ZFP90: variants seen among roughly 807,000 people sequenced by gnomAD.
The protein encoded by ZFP90 is ZFP90 zinc finger protein.
In ZFP90, 38 loss-of-function variants were observed where a neutral mutation model predicts 60.8. That is an observed-to-expected ratio of 0.62 (90% CI 0.48 to 0.82). The LOEUF (loss-of-function observed/expected upper bound fraction) is 0.82. Ranked by LOEUF, ZFP90 falls within the 40% of genes least tolerant of loss-of-function variation. The probability of loss-of-function intolerance (pLI) is 0.00; values close to 1 mark genes in which losing one functional copy is unlikely to be tolerated. For synonymous variants in ZFP90, 287 were observed against 264.8 expected (o/e 1.08, Z -0.82); for missense variants, 711 against 759.1 (o/e 0.94, Z 0.74).
At position 68,567,125 on chromosome 16, in the gene ZFP90, A is replaced by G. The variant is rs2091541065; in HGVS notation, c.*2427A>G. 1.0e-6 allele frequency: 1 copy of G among 985,564 alleles called. No individual in the cohort carries two copies. Among genetic ancestry groups the G allele is most frequent in the South Asian group, 4.7e-5 (1 of 21,282 alleles). The allele number at this position is 985,564 out of a possible 1,614,324, so 61.1% of individuals were successfully genotyped here. A position where few individuals can be genotyped will look rare whatever the true frequency, so the allele number is the denominator to read the frequency against. Reference sequence around the variant, plus strand: ...TATTCTTTCAATAAATAGCCTTCTGAGTTGAATGGGAGTCAGTTTGTCGTT... The same window carrying G: ...TATTCTTTCAATAAATAGCCTTCTGGGTTGAATGGGAGTCAGTTTGTCGTT... On this transcript the variant is annotated 3_prime_UTR_variant, in exon 5 of 5. Coordinates refer to ENST00000563169, the MANE Select transcript of ZFP90 (RefSeq NM_001305203.2).
chr16:68,554,089 G>T (rs2091302836), intron 2 of ZFP90, among the ~76,000 whole-genome samples: 1 of 151,492 alleles, frequency 6.6e-6, no homozygotes, highest in Non-Finnish European at 1.5e-5. Flanking sequence ...GGAAAAGTGG[G>T]AGACAGTGAA....
intron 3 of ZFP90, 76 bp from the exon 4 acceptor site, chr16:68,558,397 G>C: frequency 7.3e-7 from 1 of 1,365,100 alleles, no homozygotes; most frequent in Non-Finnish European, 1.0e-6. Flanking sequence ...TCAAGGACTA[G>C]TACTGACTTG....
intron 2 of ZFP90, among the ~76,000 whole-genome samples, chr16:68,540,910 C>CTT (rs1273883690): frequency 3.9e-5 from 4 of 101,652 alleles, no homozygotes; most frequent in African/African-American, 1.1e-4. Context: ...ATACATCATG[C>CTT]CTTTTTTTTT....
At position 68,572,179 on chromosome 16, in the gene ZFP90, C is replaced by CTT. The variant is rs11434898; in HGVS notation, c.224-3602_224-3601dup. ...TGCCACCATGACCAGCTGACAAACA[C>CTT]TTTTTTTTTTTCCATTTGGAAAGGT... On this transcript the variant is annotated intron_variant, in intron 2 of 2. Coordinates refer to the ZFP90 transcript ENST00000573113. 5.7e-3 allele frequency among the ~76,000 whole-genome samples: 854 copies of CTT among 149,572 alleles called. 2 individuals carry two copies. The highest frequency in any genetic ancestry group is 0.018 in the African/African-American group (735 of 40,824).
chr16:68,563,251 T>C lies in ZFP90; in HGVS notation c.464T>C (p.Phe155Ser), dbSNP rs375019303. 289 of 1,613,404 alleles carry C rather than the reference T, an allele frequency of 1.8e-4. 5 individuals are homozygous for C. The South Asian group carries it at 2.9e-3, about 16-fold the overall frequency. ...QKKIITPQENFEQNKFGENSR... is the reference protein window; with the variant it reads ...QKKIITPQENSEQNKFGENSR... ...AAAATAATTACACCACAAGAAAATT[T>C]TGAGCAAAATAAATTTGGTGAAAAT... Residue 155 changes from phenylalanine to serine, a missense_variant, in exon 5 of 5, where the codon TTT becomes TCT. Physicochemically the swap from Phe to Ser is radical, Grantham distance 155. Coordinates refer to ENST00000563169, the MANE Select transcript of ZFP90 (RefSeq NM_001305203.2).
downstream of ZFP90, among the ~76,000 whole-genome samples, chr16:68,567,307 A>C (rs1207429144): frequency 1.3e-5 from 2 of 152,324 alleles, no homozygotes; most frequent in East Asian, 1.9e-4. Context: ...TCTGTCATTC[A>C]ATCCTTATAA....
At chr16:68,568,774 GT>G (rs577025445), downstream of ZFP90, among the ~76,000 whole-genome samples, 47 of 152,262 alleles carry the variant, frequency 3.1e-4, no homozygotes, top group Non-Finnish European at 5.6e-4. Flanking sequence ...CACCTCCCAG[GT>G]TCAAGTGATT....
At chr16:68,544,628 G>C (rs2091112144) in intron 2 of ZFP90, among the ~76,000 whole-genome samples, 1 of 152,010 alleles carries the variant, frequency 6.6e-6, no homozygotes, top group African/African-American at 2.4e-5. Flanking sequence ...ACCTGGCTTA[G>C]GTCACCCAAA....
chr16:68,562,766 T>A, intron 4 of ZFP90: 1 of 605,994 alleles, frequency 1.7e-6, no homozygotes, highest in Non-Finnish European at 2.8e-6. Context: ...TTTGTATCTG[T>A]GCCTAACACA....
chr16:68,541,274 T>C (rs1022348608), intron 2 of ZFP90, among the ~76,000 whole-genome samples: 3 of 151,972 alleles, frequency 2.0e-5, no homozygotes, highest in African/African-American at 4.8e-5. Flanking sequence ...CTGACGTCAA[T>C]TGATCCGCCC....
chr16:68,555,029 C>T (rs2091321597), intron 2 of ZFP90: 1 of 152,348 alleles, frequency 6.6e-6, no homozygotes. Flanking sequence ...TCTCAAGCTT[C>T]CCAGTCCCTG....
chr16:68,539,715 C>T (rs1387871972), intron 1 of ZFP90, 43 bp from the exon 2 acceptor site: 3 of 1,429,618 alleles, frequency 2.1e-6, no homozygotes, highest in Non-Finnish European at 2.8e-6. Flanking sequence ...GGGGTGGGGT[C>T]GGTGTTGCAG....
intron 2 of ZFP90, among the ~76,000 whole-genome samples, chr16:68,549,530 T>A (rs1205991262): frequency 6.6e-6 from 1 of 151,596 alleles, no homozygotes; most frequent in Non-Finnish European, 1.5e-5. Flanking sequence ...ACAAAAAAAA[T>A]TAGCTGGGCG....
intron 2 of ZFP90, among the ~76,000 whole-genome samples, chr16:68,540,664 G>T (rs1193303495): frequency 6.6e-6 from 1 of 151,962 alleles, no homozygotes; most frequent in Non-Finnish European, 1.5e-5. Context: ...GAGACATCAA[G>T]ATCAATTCAA....
Position 68,564,768 on chromosome 16 carries a change from TAGAG to T in ZFP90, c.*73_*76del, listed in dbSNP as rs765842583. ...TTCTGATTCAGGATCAGAGGATTCT[TAGAG>T]AGCTTGGGAATGTAATGAATTACGT... On this transcript the variant is annotated 3_prime_UTR_variant, in exon 5 of 5. Transcript: ENST00000563169. The T allele has an allele frequency of 1.3e-5, 20 of 1,512,876 alleles. No homozygotes were observed. The highest frequency in any genetic ancestry group is 1.8e-4 in the Middle Eastern group (1 of 5,538). The allele number at this position is 1,512,876 out of a possible 1,614,324, so 93.7% of individuals were successfully genotyped here.
At chr16:68,538,451 G>A (rs545439039), upstream of ZFP90, among the ~76,000 whole-genome samples, 7 of 152,032 alleles carry the variant, frequency 4.6e-5, no homozygotes, top group East Asian at 1.4e-3. Context: ...GGCCGGGCGC[G>A]GTTGCCCATG....
intron 2 of ZFP90, among the ~76,000 whole-genome samples, chr16:68,550,160 A>T (rs1248006283): frequency 2.6e-5 from 4 of 152,346 alleles, no homozygotes; most frequent in South Asian, 2.1e-4. Flanking sequence ...TATATCCAGA[A>T]TATTATCATC....
At chr16:68,569,136 C>CTTTTTTTTTTTT (rs35827680), downstream of ZFP90, among the ~76,000 whole-genome samples, 1 of 123,046 alleles carries the variant, frequency 8.1e-6, no homozygotes, top group Non-Finnish European at 1.6e-5. Flanking sequence ...ATTAGTCCCA[C>CTTTTTTTTTTTT]TTTTTTTTTT....
At chr16:68,568,359 C>CA (rs2152077716), downstream of ZFP90, among the ~76,000 whole-genome samples, 1 of 152,232 alleles carries the variant, frequency 6.6e-6, no homozygotes, top group African/African-American at 2.4e-5. Context: ...CAAAATAAAA[C>CA]AATGTAATAC....
Sources: gnomAD v4.1 joint callset for allele counts (sites outside exome capture counted in the v4.1 genomes callset) on GRCh38, gnomAD v4.1.1 for gene constraint, MANE v1.5 for transcripts, NCBI Gene and HGNC (gene_info 2026-07-23, HGNC 2026-07-21) for gene names.